The following FHOD3 variants were observed in gnomAD, a reference collection of about 807,000 sequenced individuals.
FHOD3 encodes formin homology 2 domain containing 3.
Under a neutral mutation model 173.0 loss-of-function variants are expected in FHOD3, and 90 were observed. The observed-to-expected ratio is 0.52, with a 90% CI of 0.44 to 0.62. The LOEUF (loss-of-function observed/expected upper bound fraction) is 0.62, where lower values mean the gene tolerates loss of function less well. FHOD3 is among the 20% of genes least tolerant of loss of function. The pLI is 0.00. For missense variants in FHOD3, 1,945 were observed against 2,034.7 expected (o/e 0.96, Z 0.85); for synonymous variants, 828 against 823.0 (o/e 1.01, Z -0.10).
chr18:36,323,979 C>T (rs1053132556), intron 1 of FHOD3, among the ~76,000 whole-genome samples: 6 of 152,208 alleles, frequency 3.9e-5, no homozygotes, highest in African/African-American at 1.4e-4. Flanking sequence ...GAAGTGAGCC[C>T]AGCATTCTCT....
intron 10 of FHOD3, among the ~76,000 whole-genome samples, chr18:36,639,605 G>C (rs2035149687): frequency 6.6e-6 from 1 of 151,808 alleles, no homozygotes. Context: ...AGAGCTTGCA[G>C]TGAGCGGAGA....
chr18:36,319,412 G>A (rs1156817481), intron 1 of FHOD3, among the ~76,000 whole-genome samples: 1 of 152,038 alleles, frequency 6.6e-6, no homozygotes, highest in Non-Finnish European at 1.5e-5. Flanking sequence ...AATGATAAAG[G>A]GATCAATTCA....
chr18:36,546,594 A>T (rs1568409821), intron 5 of FHOD3, among the ~76,000 whole-genome samples: 1 of 152,100 alleles, frequency 6.6e-6, no homozygotes, highest in South Asian at 2.1e-4. Flanking sequence ...CCAGGAAGGG[A>T]GGGTGTCAGG....
chr18:36,730,514 C>T, intron 19 of FHOD3, 132 bp from the exon 20 acceptor site: 3 of 824,852 alleles, frequency 3.6e-6, no homozygotes, highest in Middle Eastern at 6.2e-4. Flanking sequence ...GAACAGTAGC[C>T]AGTCCTTCTC....
intron 1 of FHOD3, among the ~76,000 whole-genome samples, chr18:36,304,635 G>A (rs1262104373): frequency 2.0e-5 from 3 of 152,026 alleles, no homozygotes; most frequent in African/African-American, 7.2e-5. Context: ...AGAAAAACAA[G>A]TGTAGGGCAT....
At chr18:36,765,294 GTTAA>G (rs2043094731) in intron 27 of FHOD3, among the ~76,000 whole-genome samples, 1 of 152,164 alleles carries the variant, frequency 6.6e-6, no homozygotes, top group Non-Finnish European at 1.5e-5. Context: ...TGGACTGATT[GTTAA>G]TTAAAGCTGC....
intron 7 of FHOD3, among the ~76,000 whole-genome samples, chr18:36,596,640 T>C (rs1168367331): frequency 1.3e-5 from 2 of 152,158 alleles, no homozygotes; most frequent in Non-Finnish European, 2.9e-5. Flanking sequence ...AACATGCAGA[T>C]AGATGTCGGC....
chr18:36,610,220 G>A (rs1000380524), intron 8 of FHOD3, among the ~76,000 whole-genome samples: 6 of 152,370 alleles, frequency 3.9e-5, no homozygotes, highest in Middle Eastern at 3.4e-3. Context: ...GCATTTTGCA[G>A]AGTCAGCTGG....
chr18:36,681,670 A>G, intron 15 of FHOD3, 100 bp downstream of exon 15: 2 of 1,341,726 alleles, frequency 1.5e-6, no homozygotes, highest in Non-Finnish European at 2.0e-6. Flanking sequence ...AAAGGAAGTA[A>G]TGAAAATTCT....
chr18:36,751,459 C>G (rs115885075), intron 24 of FHOD3, among the ~76,000 whole-genome samples: 1 of 152,134 alleles, frequency 6.6e-6, no homozygotes, highest in African/African-American at 2.4e-5. Flanking sequence ...TATTTGAATG[C>G]GCTTTATTTC....
chr18:36,745,676 G>A (rs1030158943), intron 23 of FHOD3, among the ~76,000 whole-genome samples: 3 of 151,732 alleles, frequency 2.0e-5, no homozygotes, highest in East Asian at 1.9e-4. Flanking sequence ...TTACCTCCGC[G>A]CCCCTGCTCA....
intron 5 of FHOD3, among the ~76,000 whole-genome samples, chr18:36,524,948 C>T (rs1201461142): frequency 6.6e-6 from 1 of 152,076 alleles, no homozygotes; most frequent in Non-Finnish European, 1.5e-5. Context: ...GAAATTGTGC[C>T]ATCAAGCCAA....
At chr18:36,487,367 G>A (rs1342717642) in intron 3 of FHOD3, among the ~76,000 whole-genome samples, 1 of 152,136 alleles carries the variant, frequency 6.6e-6, no homozygotes, top group Admixed American at 6.5e-5. Flanking sequence ...ACGTAGCCAA[G>A]AGATATTAAA....
intron 13 of FHOD3, among the ~76,000 whole-genome samples, chr18:36,657,029 C>T (rs1210066951): frequency 6.6e-6 from 1 of 152,168 alleles, no homozygotes; most frequent in Non-Finnish European, 1.5e-5. Context: ...CAAAAGTTGA[C>T]TTACTCTGTC....
At chr18:36,565,788 C>A (rs2058242329) in intron 5 of FHOD3, among the ~76,000 whole-genome samples, 1 of 152,108 alleles carries the variant, frequency 6.6e-6, no homozygotes, top group South Asian at 2.1e-4. Flanking sequence ...GACAGACAAG[C>A]CAAAATACTC....
At chr18:36,445,099 G>C (rs2051391823) in intron 3 of FHOD3, among the ~76,000 whole-genome samples, 1 of 152,232 alleles carries the variant, frequency 6.6e-6, no homozygotes, top group Non-Finnish European at 1.5e-5. Flanking sequence ...CATGACAACA[G>C]TTAGTGGTTG....
intron 20 of FHOD3, among the ~76,000 whole-genome samples, chr18:36,737,883 A>G (rs891528026): frequency 6.6e-6 from 1 of 152,152 alleles, no homozygotes; most frequent in African/African-American, 2.4e-5. Flanking sequence ...ACTTTTTGGT[A>G]TATGGTTCTC....
chr18:36,541,512 G>A (rs140553166), intron 5 of FHOD3, among the ~76,000 whole-genome samples: 49 of 152,134 alleles, frequency 3.2e-4, no homozygotes, highest in Non-Finnish European at 5.7e-4. Context: ...CTGGGCAACC[G>A]AGCAAGACCT....
chr18:36,560,070 A>G (rs1372831132), intron 5 of FHOD3, among the ~76,000 whole-genome samples: 1 of 152,176 alleles, frequency 6.6e-6, no homozygotes, highest in African/African-American at 2.4e-5. Context: ...AATTTTCAGG[A>G]ACCGTCCTTG....
Sources: gnomAD v4.1 joint callset for allele counts (sites outside exome capture counted in the v4.1 genomes callset) on GRCh38, gnomAD v4.1.1 for gene constraint, MANE v1.5 for transcripts, NCBI Gene and HGNC (gene_info 2026-07-23, HGNC 2026-07-21) for gene names.